Variants in SRRM3 observed in about 807,000 individuals in gnomAD.
SRRM3 encodes the protein serine/arginine repetitive matrix 3.
A neutral mutation model predicts 66.2 loss-of-function variants in SRRM3; 27 were observed. The ratio of observed to expected loss-of-function variants is 0.41; its 90% CI spans 0.30 to 0.56. SRRM3 has a LOEUF of 0.56. Ranked by LOEUF, SRRM3 falls within the 20% of genes least tolerant of loss-of-function variation. SRRM3 has a pLI of 0.32. For missense variants in SRRM3, 918 were observed against 991.9 expected, an observed-to-expected ratio of 0.93 and a Z score of 1.00; for synonymous variants, 391 against 414.9, an observed-to-expected ratio of 0.94 and a Z score of 0.70.
At chr7:76,266,532 A>T (rs868913208) in intron 10 of SRRM3, among the ~76,000 whole-genome samples, 1,959 of 111,002 alleles carry the variant, frequency 0.018, 35 homozygotes, top group East Asian at 0.047. Flanking sequence ...TTATATATTT[A>T]ATATATAAAT....
At chr7:76,279,885 C>G (rs564787913) in intron 11 of SRRM3, among the ~76,000 whole-genome samples, 3 of 152,122 alleles carry the variant, frequency 2.0e-5, no homozygotes, top group Admixed American at 2.0e-4. Context: ...ACTCAGGAGC[C>G]GGGCGCTGCC....
chr7:76,262,911 G>C (rs1801919345), intron 8 of SRRM3, among the ~76,000 whole-genome samples: 1 of 152,174 alleles, frequency 6.6e-6, no homozygotes, highest in African/African-American at 2.4e-5. Flanking sequence ...GAAGTTGTGG[G>C]GCAGTCACAT....
intron 3 of SRRM3, among the ~76,000 whole-genome samples, chr7:76,257,489 A>G (rs1299337821): frequency 6.7e-6 from 1 of 149,390 alleles, no homozygotes; most frequent in Non-Finnish European, 1.5e-5. Flanking sequence ...GGTGGCTCAC[A>G]CCTATAATCC....
chr7:76,270,888 T>A (rs1320439789), intron 11 of SRRM3, among the ~76,000 whole-genome samples: 3 of 150,734 alleles, frequency 2.0e-5, no homozygotes, highest in Non-Finnish European at 4.4e-5. Context: ...GGCAGGAGGA[T>A]CGCTTGAACC....
At chr7:76,215,811 T>A (rs1470007225) in intron 1 of SRRM3, among the ~76,000 whole-genome samples, 1 of 144,370 alleles carries the variant, frequency 6.9e-6, no homozygotes, top group Non-Finnish European at 1.5e-5. Context: ...TTTTTTTTTT[T>A]TTTTGAGACA....
intron 1 of SRRM3, among the ~76,000 whole-genome samples, chr7:76,205,331 T>C (rs1225050057): frequency 3.9e-5 from 6 of 152,174 alleles, no homozygotes; most frequent in Non-Finnish European, 7.3e-5. Flanking sequence ...TGCCTCAGCC[T>C]CCCAAGTAGC....
chr7:76,203,604 A>G (rs1800215192), intron 1 of SRRM3, among the ~76,000 whole-genome samples: 1 of 152,176 alleles, frequency 6.6e-6, no homozygotes, highest in Non-Finnish European at 1.5e-5. Flanking sequence ...CCCAGAGGAG[A>G]TGAACAGTGG....
intron 1 of SRRM3, among the ~76,000 whole-genome samples, chr7:76,208,108 T>C (rs545152062): frequency 1.2e-4 from 18 of 152,074 alleles, no homozygotes; most frequent in African/African-American, 4.3e-4. Context: ...CTGCCAGGGA[T>C]TGAGGTAAGG....
chr7:76,257,663 C>T (rs1801747741), intron 3 of SRRM3, among the ~76,000 whole-genome samples: 1 of 151,856 alleles, frequency 6.6e-6, no homozygotes, highest in African/African-American at 2.4e-5. Context: ...GTCCCAGCTA[C>T]TCTGGAGGCT....
At chr7:76,247,182 A>T (rs1801463012) in intron 2 of SRRM3, among the ~76,000 whole-genome samples, 1 of 152,048 alleles carries the variant, frequency 6.6e-6, no homozygotes, top group East Asian at 1.9e-4. Context: ...AGGGATAAGG[A>T]GTAGATAACC....
rs193141045 is a variant in SRRM3, at chr7:76,283,302, G to T, written c.1733+201G>T. On this transcript the variant is annotated intron_variant, in intron 14 of 14. Coordinates refer to ENST00000611745, the MANE Select transcript of SRRM3 (RefSeq NM_001110199.3). Reference sequence around the variant, plus strand: ...AGGGGGCTAGAACTGGAGGTGCTGGGGTCTATCAGAGAGACAGGTGCAGGA... The same window carrying T: ...AGGGGGCTAGAACTGGAGGTGCTGGTGTCTATCAGAGAGACAGGTGCAGGA... Among the ~76,000 whole-genome samples the T allele has an allele frequency of 0.012, 1,765 of 152,076 alleles. 12 individuals carry two copies. Among genetic ancestry groups the T allele is most frequent in the Non-Finnish European group, 0.019 (1,279 of 67,930 alleles).
chr7:76,257,376 A>C (rs140810827), intron 3 of SRRM3, among the ~76,000 whole-genome samples: 79 of 151,694 alleles, frequency 5.2e-4, no homozygotes, highest in African/African-American at 1.8e-3. Flanking sequence ...CTTGGATAAA[A>C]AATGGAAGGT....
rs71082398 is a variant in SRRM3 at position 76,228,901 on chromosome 7, C to CTTT, written c.-39-6114_-39-6112dup. 6.4e-5 allele frequency among the ~76,000 whole-genome samples: 9 copies of CTTT among 140,188 alleles called. No individual in the cohort carries two copies. In the East Asian group the frequency reaches 1.3e-3, roughly 20 times the overall value. 92.0% of individuals were successfully genotyped at this position (140,188 alleles called of 152,430 possible). A position where few individuals can be genotyped will look rare whatever the true frequency, so the allele number is the denominator to read the frequency against. The stretch of plus-strand genomic sequence containing the variant: ...ACGTGAGCAATTTCATCCCCAGAGA[C>CTTT]TTTTTTTTTTTTTTTGAGACAGAGT... On this transcript the variant is annotated intron_variant, in intron 1 of 14. Transcript: ENST00000611745.
chr7:76,260,180 C>T lies in SRRM3; in HGVS notation c.528C>T (p.Gly176=), dbSNP rs1554608405. 6.5e-7 allele frequency: 1 copy of T among 1,539,140 alleles called. No homozygotes were observed. The highest frequency in any genetic ancestry group is 1.2e-5 in the South Asian group (1 of 83,220). The change falls in exon 5 of 15, where the codon GGC becomes GGT. Residue 176 remains glycine (G), a synonymous_variant. Coordinates refer to ENST00000611745, the MANE Select transcript of SRRM3 (RefSeq NM_001110199.3). ...CCAAGAAAAAGAAGAAAAAGAAAGG[C>T]GGCCACCGGAGAAGCCGGTGAGAAC... ...PPPKKKKKKK[G]GHRRSRKKRR...
chr7:76,244,472 C>A (rs6978255), intron 2 of SRRM3, among the ~76,000 whole-genome samples: 1 of 148,890 alleles, frequency 6.7e-6, no homozygotes, highest in African/African-American at 2.5e-5. Context: ...TGCAGTGAGC[C>A]GAGATTGTGC....
chr7:76,237,264 G>A (rs868993563), intron 2 of SRRM3, among the ~76,000 whole-genome samples: 3 of 152,080 alleles, frequency 2.0e-5, no homozygotes, highest in African/African-American at 4.8e-5. Flanking sequence ...AAAATTAGCC[G>A]GGCATGGTGG....
intron 1 of SRRM3, among the ~76,000 whole-genome samples, chr7:76,231,972 C>G (rs922681508): frequency 1.4e-4 from 21 of 152,080 alleles, no homozygotes; most frequent in African/African-American, 4.8e-4. Flanking sequence ...GGCTAAGAGG[C>G]TGGGTGTTGG....
At chr7:76,282,576 AGGGAACCCTCCCCGCCCCC>A in intron 12 of SRRM3, 53 bp from the exon 13 acceptor site, 1 of 103,838 alleles carries the variant, frequency 9.6e-6, no homozygotes. Context: ...GCCCCGCCCC[AGGGAACCCTCCCCGCCCCC>A]AGCCCCCTTT....
In SRRM3 at chr7:76,282,661, C is replaced by T. The variant is rs1339529143; in HGVS notation, c.1384C>T (p.Pro462Ser). The T allele has an allele frequency of 7.1e-7, 1 of 1,403,856 alleles. No individual in the cohort carries two copies. The highest frequency in any genetic ancestry group is 3.0e-5 in the Admixed American group (1 of 32,912). 87.0% of individuals were successfully genotyped at this position (1,403,856 alleles called of 1,614,324 possible). A position where few individuals can be genotyped will look rare whatever the true frequency, so the allele number is the denominator to read the frequency against. Residue 462 changes from proline (P) to serine (S), a missense_variant, in exon 13 of 15, where the codon CCC becomes TCC. By Grantham distance (74) the Pro-to-Ser change is moderately conservative. Transcript: ENST00000611745. Reference sequence around the variant, plus strand: ...TCCCTCCTCCAGGGCCAAGGAGCGGCCCCCGCGCGCGCGGCCCGCCAGCAC... The same window carrying T: ...TCCCTCCTCCAGGGCCAAGGAGCGGTCCCCGCGCGCGCGGCCCGCCAGCAC... ...GGHGKRAKER[P>S]PRARPASTSP...
Sources: allele counts gnomAD v4.1 joint callset (sites outside exome capture counted in the v4.1 genomes callset), GRCh38; gene constraint gnomAD v4.1.1; transcripts MANE v1.5; gene names NCBI Gene and HGNC (gene_info 2026-07-23, HGNC 2026-07-21).